The following FBXW7 variants were observed in gnomAD, a reference collection of about 807,000 sequenced individuals.
FBXW7 encodes the protein F-box and WD repeat domain containing 7.
Under a neutral mutation model 86.3 loss-of-function variants are expected in FBXW7, and 11 were observed. That is an observed-to-expected ratio of 0.13 (90% confidence interval 0.08 to 0.21). The LOEUF (loss-of-function observed/expected upper bound fraction) is 0.21. Ranked by LOEUF, FBXW7 falls within the 10% of genes least tolerant of loss-of-function variation. The pLI is 1.00. For missense variants in FBXW7, 488 were observed against 847.4 expected (o/e 0.58, Z 5.27); for synonymous variants, 313 against 297.9 (o/e 1.05, Z -0.52).
chr4:152,379,306 T>C (rs1408136513), intron 4 of FBXW7, among the ~76,000 whole-genome samples: 1 of 152,194 alleles, frequency 6.6e-6, no homozygotes, highest in Non-Finnish European at 1.5e-5. Flanking sequence ...GTTAAATAAT[T>C]TTTTCCTGTA....
At chr4:152,489,827 A>AC (rs1463356590) in intron 2 of FBXW7, among the ~76,000 whole-genome samples, 4 of 151,950 alleles carry the variant, frequency 2.6e-5, no homozygotes, top group Non-Finnish European at 5.9e-5. Context: ...CCCCATGCCT[A>AC]CCTTGAAAAC....
chr4:152,374,645 T>C (rs553510500), intron 4 of FBXW7, among the ~76,000 whole-genome samples: 1 of 152,198 alleles, frequency 6.6e-6, no homozygotes, highest in South Asian at 2.1e-4. Flanking sequence ...CTCTGAATTG[T>C]AAGAGTTTAT....
intron 4 of FBXW7, chr4:152,382,663 G>T: frequency 4.8e-6 from 1 of 206,952 alleles, no homozygotes; most frequent in Non-Finnish European, 9.3e-6. Context: ...GTGCTGTAAG[G>T]TCCCTTTTAA....
At chr4:152,351,964 T>A (rs764593520) in intron 4 of FBXW7, among the ~76,000 whole-genome samples, 17 of 152,274 alleles carry the variant, frequency 1.1e-4, no homozygotes, top group African/African-American at 2.2e-4. Context: ...GTCTTTTAAA[T>A]ACTGTACTGT....
chr4:152,509,667 T>C (rs1178026342), intron 2 of FBXW7, among the ~76,000 whole-genome samples: 1 of 152,192 alleles, frequency 6.6e-6, no homozygotes, highest in East Asian at 1.9e-4. Context: ...ACAACAGTAA[T>C]TCTCAACTGG....
intron 6 of FBXW7, among the ~76,000 whole-genome samples, chr4:152,338,506 C>T (rs1478907458): frequency 6.6e-6 from 1 of 151,876 alleles, no homozygotes; most frequent in Non-Finnish European, 1.5e-5. Flanking sequence ...ACAATAAAAA[C>T]AATCAACAAT....
chr4:152,373,324 C>G (rs577048958), intron 4 of FBXW7, among the ~76,000 whole-genome samples: 1 of 152,096 alleles, frequency 6.6e-6, no homozygotes, highest in African/African-American at 2.4e-5. Flanking sequence ...TTCTACATCC[C>G]AAATCATACC....
intron 4 of FBXW7, among the ~76,000 whole-genome samples, chr4:152,378,500 C>T (rs1734761046): frequency 6.6e-6 from 1 of 152,108 alleles, no homozygotes; most frequent in Admixed American, 6.5e-5. Flanking sequence ...ACTCTAAATA[C>T]AATATTTGTC....
chr4:152,369,356 C>A (rs140391789), intron 4 of FBXW7, among the ~76,000 whole-genome samples: 1 of 152,128 alleles, frequency 6.6e-6, no homozygotes, highest in African/African-American at 2.4e-5. Flanking sequence ...CCCTATAATC[C>A]GCGCTCTTAG....
At chr4:152,429,554 T>A (rs1468493048) in intron 2 of FBXW7, among the ~76,000 whole-genome samples, 1 of 152,130 alleles carries the variant, frequency 6.6e-6, no homozygotes, top group Non-Finnish European at 1.5e-5. Context: ...TGTTTTCTCT[T>A]GATACAGCAA....
chr4:152,514,020 C>CAA (rs1248423460), intron 2 of FBXW7, among the ~76,000 whole-genome samples: 5 of 152,154 alleles, frequency 3.3e-5, no homozygotes, highest in African/African-American at 1.2e-4. Flanking sequence ...TTTTAAATAT[C>CAA]AAAGTCTTCA....
chr4:152,413,931 C>A (rs955993281), intron 2 of FBXW7, among the ~76,000 whole-genome samples: 6 of 152,028 alleles, frequency 3.9e-5, no homozygotes, highest in African/African-American at 1.4e-4. Flanking sequence ...AAATCACCAC[C>A]GTTAATCAAA....
intron 2 of FBXW7, among the ~76,000 whole-genome samples, chr4:152,459,207 ACCACAAGTG>A (rs1293082338): frequency 6.6e-6 from 1 of 152,176 alleles, no homozygotes; most frequent in Non-Finnish European, 1.5e-5. Context: ...CATTCAATCT[ACCACAAGTG>A]CTACAAAATA....
chr4:152,501,978 C>G (rs1746996279), intron 2 of FBXW7, among the ~76,000 whole-genome samples: 1 of 152,102 alleles, frequency 6.6e-6, no homozygotes, highest in South Asian at 2.1e-4. Flanking sequence ...GCAAGTAGTT[C>G]TAAGTAGCTC....
intron 2 of FBXW7, among the ~76,000 whole-genome samples, chr4:152,481,138 G>T (rs1744839612): frequency 6.6e-6 from 1 of 152,184 alleles, no homozygotes; most frequent in South Asian, 2.1e-4. Context: ...CAATGCTACT[G>T]GTGACTTCCA....
intron 4 of FBXW7, among the ~76,000 whole-genome samples, chr4:152,373,041 A>G (rs1046196184): frequency 1.3e-5 from 2 of 151,984 alleles, no homozygotes; most frequent in Admixed American, 6.6e-5. Flanking sequence ...CCAAGATTAT[A>G]TGGCAAAAGT....
At chr4:152,486,393 A>G (rs1745341701) in intron 2 of FBXW7, among the ~76,000 whole-genome samples, 1 of 152,218 alleles carries the variant, frequency 6.6e-6, no homozygotes, top group Admixed American at 6.5e-5. Context: ...GCGTAAAACT[A>G]ACATATTGTA....
At chr4:152,378,837 T>A (rs1235556054) in intron 4 of FBXW7, among the ~76,000 whole-genome samples, 2 of 152,040 alleles carry the variant, frequency 1.3e-5, no homozygotes, top group African/African-American at 4.8e-5. Context: ...TGAAACCCCA[T>A]CTCTACAAAA....
intron 2 of FBXW7, among the ~76,000 whole-genome samples, chr4:152,524,137 C>T (rs1187134358): frequency 6.6e-6 from 1 of 152,166 alleles, no homozygotes; most frequent in Non-Finnish European, 1.5e-5. Context: ...TGCATTATCT[C>T]ACTCAATCCT....
Sources: allele counts gnomAD v4.1 joint callset (sites outside exome capture counted in the v4.1 genomes callset), GRCh38; gene constraint gnomAD v4.1.1; transcripts MANE v1.5; gene names NCBI Gene and HGNC (gene_info 2026-07-23, HGNC 2026-07-21).